The following NALCN variants were observed in gnomAD, a reference collection of about 807,000 sequenced individuals.
The protein encoded by NALCN is sodium leak channel, non-selective.
Under a neutral mutation model 225.3 loss-of-function variants are expected in NALCN, and 111 were observed. The ratio of observed to expected loss-of-function variants is 0.49; its 90% CI spans 0.42 to 0.58. NALCN has a LOEUF of 0.58. Ranked by LOEUF, NALCN falls within the 20% of genes least tolerant of loss-of-function variation. The probability of loss-of-function intolerance (pLI) is 0.00; values close to 1 mark genes in which losing one functional copy is unlikely to be tolerated. For missense variants in NALCN, 1,378 were observed against 2,202.4 expected (o/e 0.63, Z 7.49); for synonymous variants, 764 against 769.0 (o/e 0.99, Z 0.11).
intron 15 of NALCN, among the ~76,000 whole-genome samples, chr13:101,162,646 T>A (rs995519884): frequency 6.6e-6 from 1 of 152,202 alleles, no homozygotes; most frequent in Non-Finnish European, 1.5e-5. Flanking sequence ...CTTAGAACCA[T>A]TGCAATCTAG....
intron 37 of NALCN, among the ~76,000 whole-genome samples, chr13:101,069,401 C>T (rs2032678220): frequency 6.6e-6 from 1 of 152,212 alleles, no homozygotes; most frequent in South Asian, 2.1e-4. Context: ...AAGGTACAGA[C>T]CTTAATAAAA....
In NALCN at chr13:101,216,767, G is replaced by A. The variant is rs200540462; in HGVS notation, c.1626+12626C>T. Among the ~76,000 whole-genome samples the A allele has an allele frequency of 3.9e-5, 6 of 152,168 alleles. No individual in the cohort carries two copies. The East Asian group carries it at 1.2e-3, about 29-fold the overall frequency. ...ACTAACTGCACGACTAGTCATTTTG[G>A]TGGCAAGAGGAAAGGAAAGTTAATT... On this transcript the variant is annotated intron_variant, in intron 13 of 43. Transcript: ENST00000251127.
At chr13:101,098,632 T>C (rs2034642077) in intron 27 of NALCN, among the ~76,000 whole-genome samples, 1 of 152,184 alleles carries the variant, frequency 6.6e-6, no homozygotes, top group Admixed American at 6.5e-5. Context: ...TGAAGCTTCG[T>C]TGTCTTTAAC....
rs1013636549 is a variant in NALCN, at chr13:101,104,036, G to A, written c.2889+259C>T. On this transcript the variant is annotated intron_variant, in intron 25 of 43. Coordinates refer to ENST00000251127, the MANE Select transcript of NALCN (RefSeq NM_052867.4). This position sits in a 1 kb window ranked among gnomAD's most constrained non-coding sequence, Gnocchi z 4.2. Reference sequence around the variant, plus strand: ...ATTTGCCATGTTAGACCTTATTAATGTATGTCTCATTCATACATAAAATTG... The same window carrying A: ...ATTTGCCATGTTAGACCTTATTAATATATGTCTCATTCATACATAAAATTG... Among the ~76,000 whole-genome samples, 2 of 151,812 alleles carry A rather than the reference G, an allele frequency of 1.3e-5. No homozygotes were observed. The highest frequency in any genetic ancestry group is 4.8e-5 in the African/African-American group (2 of 41,286).
chr13:101,061,830 T>C lies in NALCN; in HGVS notation c.4755+138A>G. On this transcript the variant is annotated intron_variant, in intron 41 of 43. Transcript: ENST00000251127. ...ATCTGACCACTGTAAGTGGAGGTAG[T>C]GGACATAGTTTAAAGGGATAGAAGG... is the stretch of plus-strand genomic sequence containing the variant. The C allele has an allele frequency of 1.1e-5, 8 of 745,976 alleles. No homozygotes were observed. In the South Asian group the frequency reaches 1.4e-4, roughly 13 times the overall value. 46.2% of individuals were successfully genotyped at this position (745,976 alleles called of 1,614,324 possible). A position where few individuals can be genotyped will look rare whatever the true frequency, so the allele number is the denominator to read the frequency against.
At chr13:101,293,728 C>G (rs985769318) in intron 7 of NALCN, among the ~76,000 whole-genome samples, 1 of 152,056 alleles carries the variant, frequency 6.6e-6, no homozygotes, top group African/African-American at 2.4e-5. Context: ...GCAAGTCCAG[C>G]CGCAGACTTG....
In NALCN at chr13:101,100,796, G is replaced by A; in HGVS notation, c.3150C>T (p.Asn1050=). Residue 1050 remains asparagine (N), a synonymous_variant, in exon 27 of 44, where the codon AAC becomes AAT. Coordinates refer to ENST00000251127, the MANE Select transcript of NALCN (RefSeq NM_052867.4). ...AGKLAKCNDP[N]IIRREDCNGI... is the part of the protein sequence containing the mutation. ...AGATACATCTTACCCTTCTAATAAT[G>A]TTGGGATCATTGCACTTGGCCAGTT... The A allele has an allele frequency of 6.2e-7, 1 of 1,608,026 alleles. No homozygotes were observed.
At chr13:101,122,845 A>G (rs189905730) in intron 18 of NALCN, among the ~76,000 whole-genome samples, 1 of 152,308 alleles carries the variant, frequency 6.6e-6, no homozygotes, top group Admixed American at 6.5e-5. Context: ...TCTAAGGTGG[A>G]TAGCTTTGGG....
chr13:101,229,393 C>A lies in NALCN; in HGVS notation c.1626G>T (p.Arg542Ser). The A allele has an allele frequency of 6.5e-7, 1 of 1,532,656 alleles. No homozygotes were observed. Among genetic ancestry groups the A allele is most frequent in the Admixed American group, 2.1e-5 (1 of 47,900 alleles). The allele number at this position is 1,532,656 out of a possible 1,614,324, so 94.9% of individuals were successfully genotyped here. A position where few individuals can be genotyped will look rare whatever the true frequency, so the allele number is the denominator to read the frequency against. Residue 542 changes from arginine to serine, a missense_variant and splice_region_variant, in exon 13 of 44, where the codon AGG (arginine) becomes AGT (serine). Physicochemically the swap from Arg to Ser is moderately radical, Grantham distance 110. Transcript: ENST00000251127. ...EELDRFTTFP[R>S]AFMSMFQILT... is the part of the protein sequence containing the mutation. ...CTTACTGCATTTTTAAAACTCTTAC[C>A]CTCGGAAACGTAGTAAATCTGTCCA...
chr13:101,408,278 ATGCC>A (rs1171621862), intron 1 of NALCN, among the ~76,000 whole-genome samples: 2 of 152,162 alleles, frequency 1.3e-5, no homozygotes, highest in Admixed American at 6.5e-5. Context: ...TAGACTTACA[ATGCC>A]AGTCCTTCCG....
chr13:101,199,042 A>G (rs1158579687), intron 13 of NALCN, among the ~76,000 whole-genome samples: 1 of 152,026 alleles, frequency 6.6e-6, no homozygotes. Context: ...TCACAAGGAC[A>G]AAAGTCAAAC....
Position 101,069,882 on chromosome 13 carries a change from C to T in NALCN, c.4198-1055G>A, listed in dbSNP as rs184620018. Among the ~76,000 whole-genome samples the T allele has an allele frequency of 5.3e-5, 8 of 152,196 alleles. No individual in the cohort carries two copies. The East Asian group carries it at 1.2e-3, about 22-fold the overall frequency. On this transcript the variant is annotated intron_variant, in intron 37 of 43. Coordinates refer to ENST00000251127, the MANE Select transcript of NALCN (RefSeq NM_052867.4). The stretch of plus-strand genomic sequence containing the variant: ...GATCAGGAGACTGCAGCAATTCAGT[C>T]GCGTCTTCAGGTTCCATTTCTAATT...
At chr13:101,291,097 C>A (rs1377315993) in intron 9 of NALCN, among the ~76,000 whole-genome samples, 1 of 152,108 alleles carries the variant, frequency 6.6e-6, no homozygotes, top group Non-Finnish European at 1.5e-5. Context: ...CCTTCAAATT[C>A]TCAGGAGCCT....
At chr13:101,362,604 C>A (rs752871255) in intron 6 of NALCN, among the ~76,000 whole-genome samples, 4 of 151,866 alleles carry the variant, frequency 2.6e-5, no homozygotes, top group Non-Finnish European at 5.9e-5. Context: ...ACAATAAAGA[C>A]CATATTTGAC....
chr13:101,175,460 A>G, intron 15 of NALCN, among the ~76,000 whole-genome samples: 1 of 152,210 alleles, frequency 6.6e-6, no homozygotes, highest in East Asian at 1.9e-4. Context: ...TTCCAAATGG[A>G]AAGTTTCAGA....
chr13:101,223,707 T>C (rs1377047567), intron 13 of NALCN, among the ~76,000 whole-genome samples: 4 of 152,218 alleles, frequency 2.6e-5, no homozygotes, highest in Non-Finnish European at 5.9e-5. Flanking sequence ...GTTACACTTT[T>C]GCCTTTAGCC....
chr13:101,092,804 C>G (rs145181648), intron 28 of NALCN, among the ~76,000 whole-genome samples: 1 of 152,262 alleles, frequency 6.6e-6, no homozygotes, highest in East Asian at 1.9e-4. Flanking sequence ...TCACCTTCTT[C>G]CTAGAACATA....
intron 37 of NALCN, among the ~76,000 whole-genome samples, chr13:101,071,321 A>G (rs898229281): frequency 6.6e-6 from 1 of 152,184 alleles, no homozygotes; most frequent in Non-Finnish European, 1.5e-5. Flanking sequence ...TCTAGCTATG[A>G]AAGTTCTAGA....
rs975121839 is a variant in NALCN at position 101,290,417 on chromosome 13, C to T, written c.1047+1573G>A. On this transcript the variant is annotated intron_variant, in intron 9 of 43. Coordinates refer to ENST00000251127, the MANE Select transcript of NALCN (RefSeq NM_052867.4). ...CATGTCCTTCTAGAGGCTGCCACCTCGGAATGGACCGGGAACTTTCTTATC... is the reference window on the plus strand; with the variant it reads ...CATGTCCTTCTAGAGGCTGCCACCTTGGAATGGACCGGGAACTTTCTTATC... 3.3e-5 allele frequency among the ~76,000 whole-genome samples: 5 copies of T among 152,146 alleles called. No homozygotes were observed. The East Asian group carries it at 7.7e-4, about 23-fold the overall frequency.
Sources: gnomAD v4.1 joint callset for allele counts (sites outside exome capture counted in the v4.1 genomes callset) on GRCh38, gnomAD v4.1.1 for gene constraint, Gnocchi (gnomAD v3.1) non-coding constraint, MANE v1.5 for transcripts, NCBI Gene and HGNC (gene_info 2026-07-23, HGNC 2026-07-21) for gene names.